RANBP17: variants seen among roughly 807,000 people sequenced by gnomAD.
RANBP17 encodes the protein ran-binding protein 17.
RANBP17 carries 158 observed loss-of-function variants against 141.2 expected under a neutral mutation model. That is an observed-to-expected ratio of 1.12 (90% confidence interval 0.98 to 1.28). The LOEUF (loss-of-function observed/expected upper bound fraction) is 1.28, where lower values mean the gene tolerates loss of function less well. Among genes scored for constraint, RANBP17 ranks in the 50% most tolerant of loss-of-function variants. RANBP17 has a pLI of 0.00. For synonymous variants in RANBP17, 430 were observed against 450.0 expected (o/e 0.96, Z 0.56); for missense variants, 1,438 against 1,290.7 (o/e 1.11, Z -1.75).
rs969318871 is a variant in RANBP17, at chr5:171,258,579, A to G, written c.2777-7102A>G. ...ATAGAGAGCCCAGAAATAAAGTCAC[A>G]TACTTACAGCCAACCGATCTTCAAC... On this transcript the variant is annotated intron_variant, in intron 24 of 27. Coordinates refer to ENST00000523189, the MANE Select transcript of RANBP17 (RefSeq NM_022897.5). Among the ~76,000 whole-genome samples the G allele has an allele frequency of 3.3e-5, 5 of 152,346 alleles. No homozygotes were observed. The South Asian group carries it at 8.3e-4, about 25-fold the overall frequency.
intron 16 of RANBP17, among the ~76,000 whole-genome samples, chr5:171,182,460 A>T (rs183873420): frequency 3.3e-5 from 5 of 152,346 alleles, no homozygotes; most frequent in East Asian, 3.9e-4. Context: ...ACCAAACTAC[A>T]GTTCAAATCT....
intron 25 of RANBP17, among the ~76,000 whole-genome samples, chr5:171,293,030 A>C (rs1409102325): frequency 6.6e-6 from 1 of 152,080 alleles, no homozygotes. Flanking sequence ...CTTTGTGTGC[A>C]TCCCCACCCT....
At chr5:170,925,304 A>G (rs2127447529) in intron 12 of RANBP17, among the ~76,000 whole-genome samples, 1 of 152,288 alleles carries the variant, frequency 6.6e-6, no homozygotes, top group African/African-American at 2.4e-5. Context: ...TTTTTTAAAA[A>G]TGCGTTTTAT....
At chr5:171,060,305 C>A (rs919066050) in intron 14 of RANBP17, among the ~76,000 whole-genome samples, 28 of 141,516 alleles carry the variant, frequency 2.0e-4, no homozygotes, top group African/African-American at 7.1e-4. Flanking sequence ...GTGGGTTTGT[C>A]ATAGATAGCT....
intron 14 of RANBP17, among the ~76,000 whole-genome samples, chr5:171,064,587 T>A (rs964412788): frequency 4.6e-5 from 7 of 152,162 alleles, no homozygotes; most frequent in African/African-American, 1.7e-4. Context: ...ACCTTCTCCT[T>A]CCAGGCTCAA....
chr5:171,175,664 C>T (rs920879596), intron 16 of RANBP17, among the ~76,000 whole-genome samples: 13 of 152,016 alleles, frequency 8.6e-5, no homozygotes, highest in Non-Finnish European at 1.3e-4. Context: ...ATCTAGCCAA[C>T]AAACATATGA....
At chr5:171,143,454 A>T (rs750875538) in intron 14 of RANBP17, 3 of 152,156 alleles carry the variant, frequency 2.0e-5, no homozygotes, top group Non-Finnish European at 4.4e-5. Flanking sequence ...TTACTTTCTC[A>T]TATTGGCCTT....
intron 14 of RANBP17, among the ~76,000 whole-genome samples, chr5:171,009,128 T>G (rs1359276040): frequency 6.6e-6 from 1 of 152,222 alleles, no homozygotes; most frequent in Non-Finnish European, 1.5e-5. Flanking sequence ...CCACTAAGGC[T>G]GCACCTTGTA....
intron 14 of RANBP17, among the ~76,000 whole-genome samples, chr5:170,990,678 A>C (rs897541966): frequency 6.6e-6 from 1 of 152,012 alleles, no homozygotes; most frequent in Non-Finnish European, 1.5e-5. Context: ...TGTGCTGTGC[A>C]CGAGAAATTA....
chr5:171,281,387 G>A (rs1474395094), intron 25 of RANBP17, among the ~76,000 whole-genome samples: 1 of 152,192 alleles, frequency 6.6e-6, no homozygotes, highest in Non-Finnish European at 1.5e-5. Context: ...TATTTTACAT[G>A]GGGCAAACAA....
intron 14 of RANBP17, chr5:171,028,967 A>G (rs1022001325): frequency 1.9e-5 from 25 of 1,286,104 alleles, no homozygotes; most frequent in Non-Finnish European, 2.4e-5. Flanking sequence ...CATCTGAACC[A>G]GGGATCACAG....
At chr5:171,199,640 AC>A in intron 18 of RANBP17, 29 bp from the exon 19 acceptor site, 2 of 1,367,460 alleles carry the variant, frequency 1.5e-6, no homozygotes, top group Non-Finnish European at 2.1e-6. Flanking sequence ...TGCATTTTAA[AC>A]CGTAGTGACC....
chr5:171,224,429 T>C (rs1452638188), intron 22 of RANBP17, among the ~76,000 whole-genome samples: 1 of 152,170 alleles, frequency 6.6e-6, no homozygotes, highest in African/African-American at 2.4e-5. Flanking sequence ...TTAAGGGAAG[T>C]GAGCTTCCTC....
chr5:170,921,734 A>G (rs4498263), intron 11 of RANBP17, among the ~76,000 whole-genome samples: 4,083 of 151,980 alleles, frequency 0.027, 170 homozygotes, highest in African/African-American at 0.093. Flanking sequence ...GGAATGTTTT[A>G]TCAAGGTTCA....
intron 13 of RANBP17, among the ~76,000 whole-genome samples, chr5:170,955,901 A>G (rs1416341928): frequency 6.7e-6 from 1 of 149,786 alleles, no homozygotes; most frequent in East Asian, 1.9e-4. Context: ...TTACTTCAGA[A>G]ATTTCTTCTT....
intron 24 of RANBP17, chr5:171,252,167 C>T (rs549423110): frequency 4.1e-5 from 65 of 1,585,014 alleles, no homozygotes; most frequent in Middle Eastern, 4.4e-4. Flanking sequence ...TTTTTGACAA[C>T]TACATGCAAC....
chr5:171,161,561 T>C, intron 14 of RANBP17: 1 of 179,532 alleles, frequency 5.6e-6, no homozygotes, highest in East Asian at 9.3e-5. Flanking sequence ...GGCATATGCA[T>C]ACAATGATTA....
intron 14 of RANBP17, among the ~76,000 whole-genome samples, chr5:171,130,506 G>A (rs1440909674): frequency 8.0e-6 from 1 of 124,960 alleles, no homozygotes; most frequent in Non-Finnish European, 1.6e-5. Flanking sequence ...GCATGATCTC[G>A]GCTCACTACA....
In RANBP17 at chr5:171,088,254, G is replaced by A. The variant is rs1176907202; in HGVS notation, c.1711-81876G>A. ...AGTTTGGCTGGATATGAAATTCTGG[G>A]TTGAAAATTCTTTTCTTTAAGAATG... On this transcript the variant is annotated intron_variant, in intron 14 of 27. Transcript: ENST00000523189. 1.3e-3 allele frequency among the ~76,000 whole-genome samples: 204 copies of A among 152,064 alleles called. 1 individual carries two copies. The highest frequency in any genetic ancestry group is 4.5e-3 in the African/African-American group (186 of 41,472).
Sources: allele counts gnomAD v4.1 joint callset (sites outside exome capture counted in the v4.1 genomes callset), GRCh38; gene constraint gnomAD v4.1.1; transcripts MANE v1.5; gene names NCBI Gene and HGNC (gene_info 2026-07-23, HGNC 2026-07-21).